Variants in SGCG observed in about 807,000 individuals in gnomAD.
The protein encoded by SGCG is sarcoglycan gamma.
In SGCG, 26 loss-of-function variants were observed where a neutral mutation model predicts 29.3. The observed-to-expected ratio is 0.89, with a 90% CI of 0.65 to 1.23. The LOEUF (loss-of-function observed/expected upper bound fraction) is 1.23, where lower values mean the gene tolerates loss of function less well. Among genes scored for constraint, SGCG ranks in the 50% most tolerant of loss-of-function variants. The pLI is 0.00. For synonymous variants in SGCG, 145 were observed against 129.7 expected (o/e 1.12, Z -0.80); for missense variants, 353 against 356.0 (o/e 0.99, Z 0.07).
intron 6 of SGCG, among the ~76,000 whole-genome samples, chr13:23,298,121 C>T (rs189709081): frequency 9.2e-5 from 14 of 151,724 alleles, no homozygotes; most frequent in South Asian, 8.4e-4. Flanking sequence ...TTTGGGAGGC[C>T]GAGGCAGGTG....
At chr13:23,175,447 A>G in the SGCG span, among the ~76,000 whole-genome samples, 1 of 152,208 alleles carries the variant, frequency 6.6e-6, no homozygotes, top group Non-Finnish European at 1.5e-5. Context: ...TCACACTTAC[A>G]TTCTCTGCCC....
intron 6 of SGCG, among the ~76,000 whole-genome samples, chr13:23,299,440 ATATATATATATATATATTT>A (rs1566037475): frequency 1.9e-4 from 1 of 5,258 alleles, no homozygotes; most frequent in African/African-American, 5.4e-4. Flanking sequence ...ATATATATAT[ATATATATATATATATATTT>A]TTTTTTTTTT....
intron 7 of SGCG, among the ~76,000 whole-genome samples, chr13:23,322,615 A>G (rs1883076774): frequency 6.6e-6 from 1 of 152,210 alleles, no homozygotes; most frequent in Non-Finnish European, 1.5e-5. Flanking sequence ...TATTGCAGTC[A>G]GGTGCATCTC....
chr13:23,183,353 G>C, intron 1 of SGCG, among the ~76,000 whole-genome samples: 1 of 152,164 alleles, frequency 6.6e-6, no homozygotes, highest in East Asian at 1.9e-4. Context: ...TCAGGAACTT[G>C]AACCTGCTTC....
At chr13:23,310,234 C>A (rs1245668945) in intron 6 of SGCG, among the ~76,000 whole-genome samples, 1 of 151,546 alleles carries the variant, frequency 6.6e-6, no homozygotes, top group Non-Finnish European at 1.5e-5. Flanking sequence ...CTACAGGCGC[C>A]CGCCACCACA....
chr13:23,293,400 C>A (rs761051597), intron 5 of SGCG, among the ~76,000 whole-genome samples: 4 of 152,056 alleles, frequency 2.6e-5, no homozygotes, highest in Non-Finnish European at 5.9e-5. Context: ...GCTATTATTT[C>A]TTGGATAAGG....
At chr13:23,269,799 C>T (rs531853327) in intron 4 of SGCG, among the ~76,000 whole-genome samples, 17 of 150,016 alleles carry the variant, frequency 1.1e-4, no homozygotes, top group Non-Finnish European at 2.4e-4. Flanking sequence ...CACTGTTGTG[C>T]AGTTATGTCA....
At chr13:23,174,634 AT>A in the SGCG span, among the ~76,000 whole-genome samples, 2 of 152,210 alleles carry the variant, frequency 1.3e-5, no homozygotes, top group Admixed American at 6.5e-5. Context: ...AATTCCAACA[AT>A]AAAAGCTGTG....
intron 7 of SGCG, 139 bp from the exon 8 acceptor site, chr13:23,324,229 A>G (rs534021581): frequency 3.5e-4 from 259 of 750,198 alleles, no homozygotes; most frequent in Non-Finnish European, 5.4e-4. Context: ...TAATTACGAA[A>G]TGAGTTACAT....
chr13:23,217,525 A>G (rs1878478054), intron 2 of SGCG: 1 of 152,098 alleles, frequency 6.6e-6, no homozygotes, highest in Non-Finnish European at 1.5e-5. Context: ...CTGTACTGCT[A>G]AATGAACATA....
At chr13:23,162,336 C>G in the SGCG span, among the ~76,000 whole-genome samples, 4 of 152,130 alleles carry the variant, frequency 2.6e-5, no homozygotes, top group Non-Finnish European at 4.4e-5. Context: ...GTATCCTGGG[C>G]GGGCGCGGTG....
At chr13:23,278,618 G>A (rs1566028250) in intron 4 of SGCG, among the ~76,000 whole-genome samples, 1 of 152,186 alleles carries the variant, frequency 6.6e-6, no homozygotes, top group Non-Finnish European at 1.5e-5. Flanking sequence ...TGCCTGAGGT[G>A]CGTGTGTAGC....
At chr13:23,162,787 A>G in the SGCG span, among the ~76,000 whole-genome samples, 1 of 151,906 alleles carries the variant, frequency 6.6e-6, no homozygotes, top group Non-Finnish European at 1.5e-5. Flanking sequence ...CTGAGGTCGC[A>G]CCAATGCACT....
At chr13:23,269,342 A>G (rs17315161) in intron 4 of SGCG, among the ~76,000 whole-genome samples, 4,306 of 152,248 alleles carry the variant, frequency 0.028, 87 homozygotes, top group Non-Finnish European at 0.034. Flanking sequence ...CACAGTGGCT[A>G]TTTTGGAGGG....
intron 7 of SGCG, among the ~76,000 whole-genome samples, chr13:23,321,322 G>A (rs1379142358): frequency 6.6e-6 from 1 of 152,084 alleles, no homozygotes; most frequent in Non-Finnish European, 1.5e-5. Context: ...CCTACTGGAA[G>A]CCTAAAACCA....
chr13:23,289,220 G>A (rs185917398), intron 5 of SGCG, among the ~76,000 whole-genome samples: 12 of 152,324 alleles, frequency 7.9e-5, no homozygotes, highest in Admixed American at 7.2e-4. Flanking sequence ...GATCAACGCC[G>A]TGCTGCAGTC....
At chr13:23,314,382 T>TTATATATATATATATA (rs201480793) in intron 6 of SGCG, among the ~76,000 whole-genome samples, 6,401 of 77,668 alleles carry the variant, frequency 0.082, 471 homozygotes, top group East Asian at 0.12. Context: ...CTGCTATAGG[T>TTATATATATATATATA]TATATATATA....
chr13:23,265,172 A>G (rs1880588139), intron 4 of SGCG, among the ~76,000 whole-genome samples: 1 of 152,214 alleles, frequency 6.6e-6, no homozygotes, highest in Non-Finnish European at 1.5e-5. Flanking sequence ...TGCATCTGAC[A>G]AAGGACTAAT....
chr13:23,213,582 C>G (rs1210942890), intron 2 of SGCG, among the ~76,000 whole-genome samples: 1 of 152,146 alleles, frequency 6.6e-6, no homozygotes, highest in Admixed American at 6.5e-5. Context: ...TATCCAAAAC[C>G]AAAATGACTT....
Sources: allele counts gnomAD v4.1 joint callset (sites outside exome capture counted in the v4.1 genomes callset), GRCh38; gene constraint gnomAD v4.1.1; transcripts MANE v1.5; gene names NCBI Gene and HGNC (gene_info 2026-07-23, HGNC 2026-07-21).